QKI: variants seen among roughly 807,000 people sequenced by gnomAD.
The protein encoded by QKI is KH domain-containing RNA-binding protein QKI.
Under a neutral mutation model 39.0 loss-of-function variants are expected in QKI, and 10 were observed. That is an observed-to-expected ratio of 0.26 (90% CI 0.16 to 0.43). QKI has a LOEUF of 0.43. QKI is among the 20% of genes least tolerant of loss of function. The pLI is 1.00. For synonymous variants in QKI, 204 were observed against 155.4 expected (o/e 1.31, Z -2.33); for missense variants, 218 against 428.0 (o/e 0.51, Z 4.33).
chr6:163,552,915 T>C (rs1185817603), intron 4 of QKI, among the ~76,000 whole-genome samples: 1 of 151,780 alleles, frequency 6.6e-6, no homozygotes, highest in Non-Finnish European at 1.5e-5. Context: ...TACAACATCT[T>C]TTAGGTTCTG....
intron 3 of QKI, among the ~76,000 whole-genome samples, chr6:163,524,710 A>G (rs1013552939): frequency 5.3e-5 from 8 of 151,924 alleles, no homozygotes; most frequent in Non-Finnish European, 1.0e-4. Context: ...CAGGTGATCT[A>G]CCTGCCCCGG....
intron 4 of QKI, among the ~76,000 whole-genome samples, chr6:163,550,366 A>G (rs1782150195): frequency 6.6e-6 from 1 of 152,170 alleles, no homozygotes; most frequent in African/African-American, 2.4e-5. Flanking sequence ...GACTGATGGC[A>G]GAGCTCTCAT....
Position 163,415,287 on chromosome 6 carries a change from C to T in QKI, c.94C>T (p.Pro32Ser). Residue 32 changes from proline to serine, a missense_variant, in exon 1 of 8, where the codon CCC becomes TCC. By Grantham distance (74) the Pro-to-Ser change is moderately conservative. Coordinates refer to ENST00000361752, the MANE Select transcript of QKI (RefSeq NM_006775.3). ...MNDKKLMSSL[P>S]NFCGIFNHLE... ...CGACAAGAAGCTCATGAGCAGCCTGCCCAACTTCTGCGGGATCTTCAACCA... is the reference window on the plus strand; with the variant it reads ...CGACAAGAAGCTCATGAGCAGCCTGTCCAACTTCTGCGGGATCTTCAACCA... The T allele has an allele frequency of 6.3e-7, 1 of 1,594,900 alleles. No homozygotes were observed. Among genetic ancestry groups the T allele is most frequent in the Non-Finnish European group, 8.6e-7 (1 of 1,167,944 alleles).
At chr6:163,567,406 C>T in intron 7 of QKI, 1 of 985,540 alleles carries the variant, frequency 1.0e-6, no homozygotes, top group East Asian at 1.1e-4. Context: ...CCCTTTTATT[C>T]TTACATTCTC....
intron 1 of QKI, among the ~76,000 whole-genome samples, chr6:163,451,900 A>G (rs1287355399): frequency 6.6e-6 from 1 of 152,250 alleles, no homozygotes; most frequent in African/African-American, 2.4e-5. Flanking sequence ...TTTCCATAGT[A>G]GTTTGGCTAT....
At chr6:163,567,445 C>G (rs566422485) in intron 7 of QKI, 1 of 985,128 alleles carries the variant, frequency 1.0e-6, no homozygotes, top group Non-Finnish European at 1.2e-6. Context: ...TGATTTTTGT[C>G]ATTTGCTGCT....
chr6:163,498,923 A>G lies in QKI; in HGVS notation c.402+20027A>G, dbSNP rs114528646. ...ATTTTGGAATATTTGCATATATACAATGAGATATCTTGGGGATGAGACCGA... is the reference window on the plus strand; with the variant it reads ...ATTTTGGAATATTTGCATATATACAGTGAGATATCTTGGGGATGAGACCGA... On this transcript the variant is annotated intron_variant, in intron 3 of 7. Transcript: ENST00000361752. 9.6e-3 allele frequency among the ~76,000 whole-genome samples: 1,467 copies of G among 152,276 alleles called. 14 individuals carry two copies. The highest frequency in any genetic ancestry group is 0.034 in the African/African-American group (1,397 of 41,552).
chr6:163,518,298 G>A (rs1400674409), intron 3 of QKI, among the ~76,000 whole-genome samples: 3 of 152,072 alleles, frequency 2.0e-5, no homozygotes, highest in South Asian at 4.1e-4. Context: ...TAGGCTGTGC[G>A]CTAAGTGTTT....
At chr6:163,472,932 A>G (rs1336687009) in intron 2 of QKI, among the ~76,000 whole-genome samples, 2 of 152,148 alleles carry the variant, frequency 1.3e-5, no homozygotes, top group Admixed American at 6.6e-5. Context: ...AAAAATTGGA[A>G]AAAGAACAGC....
At chr6:163,439,534 A>T (rs576533457) in intron 1 of QKI, among the ~76,000 whole-genome samples, 30 of 150,116 alleles carry the variant, frequency 2.0e-4, no homozygotes, top group Non-Finnish European at 4.0e-4. Context: ...TTGTATTCTT[A>T]GTAGAGATGG....
chr6:163,544,527 C>T (rs1329309649), intron 4 of QKI, among the ~76,000 whole-genome samples: 1 of 152,044 alleles, frequency 6.6e-6, no homozygotes, highest in East Asian at 1.9e-4. Context: ...ATGAACATCA[C>T]TTACACTTTG....
At chr6:163,468,919 TTC>T (rs1791980583) in intron 2 of QKI, among the ~76,000 whole-genome samples, 1 of 152,116 alleles carries the variant, frequency 6.6e-6, no homozygotes, top group African/African-American at 2.4e-5. Context: ...TTTTTTTTTT[TTC>T]TTCATTCTCT....
intron 1 of QKI, among the ~76,000 whole-genome samples, chr6:163,449,584 A>C (rs937621820): frequency 6.6e-6 from 1 of 152,202 alleles, no homozygotes; most frequent in Non-Finnish European, 1.5e-5. Context: ...TTGTTTTTTT[A>C]CAAATCCTGA....
intron 2 of QKI, among the ~76,000 whole-genome samples, chr6:163,474,657 C>T (rs1033907787): frequency 6.6e-6 from 1 of 151,894 alleles, no homozygotes; most frequent in Non-Finnish European, 1.5e-5. Context: ...GACATGGTGT[C>T]TCCAGCCTGT....
chr6:163,429,808 CTGTT>C (rs1788689781), intron 1 of QKI, among the ~76,000 whole-genome samples: 1 of 152,074 alleles, frequency 6.6e-6, no homozygotes, highest in Non-Finnish European at 1.5e-5. Context: ...CTATTCTAGG[CTGTT>C]TGGTTGTATG....
At chr6:163,567,764 G>C in intron 7 of QKI, 1 of 984,994 alleles carries the variant, frequency 1.0e-6, no homozygotes, top group Non-Finnish European at 1.2e-6. Flanking sequence ...TGGCACATTT[G>C]TTTCCTACAA....
At chr6:163,419,139 T>C (rs1191382226) in intron 1 of QKI, among the ~76,000 whole-genome samples, 1 of 152,176 alleles carries the variant, frequency 6.6e-6, no homozygotes, top group African/African-American at 2.4e-5. Context: ...ACTTTCTGTC[T>C]GACCTCAGTT....
chr6:163,568,098 T>C (rs1049284626), intron 7 of QKI: 1 of 985,382 alleles, frequency 1.0e-6, no homozygotes, highest in East Asian at 1.1e-4. Flanking sequence ...TCCTTGTAAG[T>C]GTTCTGTATG....
intron 3 of QKI, among the ~76,000 whole-genome samples, chr6:163,508,205 GA>G (rs201473017): frequency 4.6e-5 from 7 of 151,618 alleles, no homozygotes; most frequent in African/African-American, 7.3e-5. Context: ...AAATAAGACT[GA>G]AAAAAAATAC....
Sources: gnomAD v4.1 joint callset for allele counts (sites outside exome capture counted in the v4.1 genomes callset) on GRCh38, gnomAD v4.1.1 for gene constraint, MANE v1.5 for transcripts, NCBI Gene and HGNC (gene_info 2026-07-23, HGNC 2026-07-21) for gene names.